The following DPY19L1 variants were observed in gnomAD, a reference collection of about 807,000 sequenced individuals.
DPY19L1 encodes protein C-mannosyl-transferase DPY19L1.
In DPY19L1, 35 loss-of-function variants were observed where a neutral mutation model predicts 96.9. That is an observed-to-expected ratio of 0.36 (90% confidence interval 0.28 to 0.48). The LOEUF is 0.48. Among genes scored for constraint, DPY19L1 ranks in the 20% least tolerant of loss-of-function variants. The pLI is 0.99. For synonymous variants in DPY19L1, 205 were observed against 252.6 expected (o/e 0.81, Z 1.79); for missense variants, 521 against 777.9 (o/e 0.67, Z 3.93).
intron 4 of DPY19L1, among the ~76,000 whole-genome samples, chr7:35,011,997 A>AGCCACCCCAGATTCCCTCTTCCG (rs1326535585): frequency 2.0e-5 from 3 of 152,232 alleles, no homozygotes; most frequent in Non-Finnish European, 4.4e-5. Context: ...AGCGGTGGCA[A>AGCCACCCCAGATTCCCTCTTCCG]GCCACCCCAG....
intron 7 of DPY19L1, among the ~76,000 whole-genome samples, chr7:34,981,852 G>T (rs988586016): frequency 2.0e-5 from 3 of 152,150 alleles, no homozygotes; most frequent in Admixed American, 1.3e-4. Context: ...TTGGGAGGCT[G>T]AGGCATGAGA....
chr7:34,943,007 T>C (rs181718779), intron 16 of DPY19L1, among the ~76,000 whole-genome samples: 12 of 152,208 alleles, frequency 7.9e-5, no homozygotes, highest in African/African-American at 2.9e-4. Flanking sequence ...CGTGGTTATA[T>C]GTGTAAATCT....
chr7:35,030,550 C>A (rs1232705406), intron 1 of DPY19L1, among the ~76,000 whole-genome samples: 1 of 152,102 alleles, frequency 6.6e-6, no homozygotes, highest in Non-Finnish European at 1.5e-5. Context: ...GTTAAAATTA[C>A]AAAATGCCAT....
At chr7:34,988,371 A>AGTG (rs1326870165) in intron 7 of DPY19L1, 1 of 151,856 alleles carries the variant, frequency 6.6e-6, no homozygotes, top group Non-Finnish European at 1.5e-5. Context: ...TGTGGCTCAA[A>AGTG]GTGCTTCATG....
intron 7 of DPY19L1, among the ~76,000 whole-genome samples, chr7:34,974,498 C>T (rs563532766): frequency 1.3e-5 from 2 of 152,186 alleles, no homozygotes; most frequent in African/African-American, 4.8e-5. Flanking sequence ...CAATTTACTG[C>T]TCTTTTCTAA....
At chr7:34,975,611 A>T (rs1004807911) in intron 7 of DPY19L1, among the ~76,000 whole-genome samples, 4 of 152,204 alleles carry the variant, frequency 2.6e-5, no homozygotes, top group Admixed American at 2.6e-4. Context: ...GGGCAGATGA[A>T]AAAACCTTCT....
chr7:34,941,926 G>C (rs1784026224), intron 17 of DPY19L1, 42 bp from the exon 18 acceptor site: 1 of 1,549,328 alleles, frequency 6.5e-7, no homozygotes, highest in African/African-American at 1.4e-5. Flanking sequence ...TACTGTTTGT[G>C]AAGTTTAAGA....
At chr7:35,007,581 C>A (rs1785589653) in intron 6 of DPY19L1, among the ~76,000 whole-genome samples, 1 of 142,932 alleles carries the variant, frequency 7.0e-6, no homozygotes, top group African/African-American at 2.7e-5. Flanking sequence ...TCAGCACACA[C>A]ACGTGTGGTG....
intron 6 of DPY19L1, 62 bp from the exon 7 acceptor site, chr7:34,990,003 TA>T (rs369642411): frequency 5.2e-6 from 7 of 1,336,618 alleles, no homozygotes; most frequent in Non-Finnish European, 7.3e-6. Context: ...AGAAAAACCT[TA>T]AAACACATAA....
intron 1 of DPY19L1, among the ~76,000 whole-genome samples, chr7:35,030,603 C>G (rs1405346868): frequency 6.6e-6 from 1 of 152,086 alleles, no homozygotes; most frequent in Non-Finnish European, 1.5e-5. Context: ...GAAAAACACA[C>G]CTGACAATCA....
chr7:35,008,580 C>G (rs1269785575), intron 6 of DPY19L1, among the ~76,000 whole-genome samples: 2 of 152,198 alleles, frequency 1.3e-5, no homozygotes, highest in Non-Finnish European at 2.9e-5. Context: ...GTAGTTCCAG[C>G]TACTTGGGAG....
intron 15 of DPY19L1, among the ~76,000 whole-genome samples, chr7:34,945,983 T>C (rs549308440): frequency 3.3e-5 from 5 of 152,334 alleles, no homozygotes; most frequent in African/African-American, 9.6e-5. Flanking sequence ...GCCCTGTAGG[T>C]AGACAACTAC....
At chr7:35,038,006 G>C, upstream of DPY19L1, 1 of 974,476 alleles carries the variant, frequency 1.0e-6, no homozygotes, top group South Asian at 5.2e-5. Flanking sequence ...AGACGCGGCG[G>C]GGCAGGGAGA....
intron 13 of DPY19L1, chr7:34,954,432 G>T (rs910886871): frequency 1.2e-4 from 26 of 220,392 alleles, no homozygotes; most frequent in Non-Finnish European, 1.8e-5. Flanking sequence ...CTTAAAATTC[G>T]ATCTTTAATC....
chr7:34,977,315 A>G (rs957886267), intron 7 of DPY19L1, among the ~76,000 whole-genome samples: 1 of 152,170 alleles, frequency 6.6e-6, no homozygotes, highest in African/African-American at 2.4e-5. Flanking sequence ...CAACCATGTA[A>G]TGTACAATTT....
intron 6 of DPY19L1, among the ~76,000 whole-genome samples, chr7:35,002,085 C>A (rs1368175615): frequency 1.5e-4 from 22 of 149,260 alleles, no homozygotes; most frequent in Admixed American, 1.2e-3. Context: ...CAAGATCGTG[C>A]CATTGCACTC....
At chr7:34,947,600 T>A (rs1332985723) in intron 15 of DPY19L1, 30 bp downstream of exon 15, 8 of 1,569,424 alleles carry the variant, frequency 5.1e-6, no homozygotes, top group Non-Finnish European at 6.9e-6. Flanking sequence ...TATTCTATTA[T>A]AAGAAAGAGC....
intron 11 of DPY19L1, among the ~76,000 whole-genome samples, chr7:34,957,378 AAAAAC>A (rs1482264563): frequency 1.3e-5 from 2 of 152,044 alleles, no homozygotes; most frequent in African/African-American, 2.4e-5. Flanking sequence ...TCCACCTTAA[AAAAAC>A]AAAACAAAAC....
chr7:35,020,232 T>C (rs537751114), intron 1 of DPY19L1, among the ~76,000 whole-genome samples: 27 of 152,352 alleles, frequency 1.8e-4, no homozygotes, highest in Admixed American at 1.2e-3. Context: ...TTTTCTCCCA[T>C]TGAATGTAAA....
Sources: gnomAD v4.1 joint callset for allele counts (sites outside exome capture counted in the v4.1 genomes callset) on GRCh38, gnomAD v4.1.1 for gene constraint, MANE v1.5 for transcripts, NCBI Gene and HGNC (gene_info 2026-07-23, HGNC 2026-07-21) for gene names.